KLF8: variants seen among roughly 807,000 people sequenced by gnomAD.
The protein encoded by KLF8 is KLF transcription factor 8.
KLF8 carries 10 observed loss-of-function variants against 18.2 expected under a neutral mutation model. The ratio of observed to expected loss-of-function variants is 0.55; its 90% CI spans 0.34 to 0.93. The LOEUF is 0.93. KLF8 is among the 40% of genes least tolerant of loss of function. The pLI is 0.02. For missense variants in KLF8, 264 were observed against 277.9 expected (o/e 0.95, Z 0.36); for synonymous variants, 109 against 97.3 (o/e 1.12, Z -0.71).
intron 5 of KLF8, among the ~76,000 whole-genome samples, chrX:56,282,894 T>G (rs1436827290): frequency 8.9e-6 from 1 of 112,047 alleles, no homozygotes; most frequent in Non-Finnish European, 1.9e-5. Flanking sequence ...TTCAAAATTT[T>G]TATTATATGA....
At chrX:56,053,074 T>C in the KLF8 span, among the ~76,000 whole-genome samples, 2 of 111,917 alleles carry the variant, frequency 1.8e-5, no homozygotes, top group Admixed American at 9.4e-5. Flanking sequence ...GAAAGGGAAC[T>C]CCCTGACCTC....
chrX:55,991,934 C>T, the KLF8 span, among the ~76,000 whole-genome samples: 1 of 112,103 alleles, frequency 8.9e-6, no homozygotes, highest in Non-Finnish European at 1.9e-5. Flanking sequence ...GTCTTTTGCT[C>T]ATTTGTTAAT....
the KLF8 span, among the ~76,000 whole-genome samples, chrX:56,143,867 T>G: frequency 6.2e-5 from 7 of 112,494 alleles, no homozygotes; most frequent in African/African-American, 9.7e-5. Flanking sequence ...AAATGTTTAT[T>G]GAATGAATAA....
chrX:56,180,091 G>A, the KLF8 span, among the ~76,000 whole-genome samples: 24 of 111,528 alleles, frequency 2.2e-4, no homozygotes, highest in African/African-American at 4.2e-4. Context: ...TGTACATCTC[G>A]TAGAATTCGG....
the KLF8 span, among the ~76,000 whole-genome samples, chrX:56,208,485 A>G: frequency 8.1e-4 from 90 of 110,458 alleles, no homozygotes; most frequent in African/African-American, 2.5e-3. Flanking sequence ...TTCTGCTCTA[A>G]TCCTTATTTT....
chrX:56,155,390 G>C, the KLF8 span, among the ~76,000 whole-genome samples: 3 of 110,978 alleles, frequency 2.7e-5, no homozygotes, highest in Non-Finnish European at 1.9e-5. Context: ...TCTCTCATAG[G>C]TGGGAATTCA....
the KLF8 span, among the ~76,000 whole-genome samples, chrX:55,989,276 G>T: frequency 8.9e-6 from 1 of 111,993 alleles, no homozygotes; most frequent in Non-Finnish European, 1.9e-5. Context: ...TCCCTGTCTT[G>T]TGCCAGTTTT....
the KLF8 span, among the ~76,000 whole-genome samples, chrX:56,056,960 G>C: frequency 9.0e-6 from 1 of 111,510 alleles, no homozygotes; most frequent in South Asian, 3.7e-4. Flanking sequence ...TGAAGAATCT[G>C]TTCGTTTTTG....
At chrX:55,973,570 T>C in the KLF8 span, among the ~76,000 whole-genome samples, 1 of 112,143 alleles carries the variant, frequency 8.9e-6, no homozygotes, top group African/African-American at 3.2e-5. Context: ...AGGACATACA[T>C]GCTATCAACA....
At chrX:56,216,373 T>A in the KLF8 span, among the ~76,000 whole-genome samples, 1 of 110,638 alleles carries the variant, frequency 9.0e-6, no homozygotes, top group South Asian at 3.8e-4. Context: ...TTAATTAATT[T>A]ATTTATTTTA....
the KLF8 span, among the ~76,000 whole-genome samples, chrX:56,025,480 A>T: frequency 1.8e-5 from 2 of 111,839 alleles, no homozygotes; most frequent in African/African-American, 6.5e-5. Context: ...AGCCCAGATG[A>T]CACAAGACCA....
chrX:56,080,244 C>T, the KLF8 span, among the ~76,000 whole-genome samples: 2 of 110,439 alleles, frequency 1.8e-5, no homozygotes, highest in Admixed American at 9.6e-5. Flanking sequence ...TTCCTAGTCT[C>T]GATGGTCTTT....
At chrX:56,188,785 A>T in the KLF8 span, among the ~76,000 whole-genome samples, 2 of 112,424 alleles carry the variant, frequency 1.8e-5, no homozygotes, top group Admixed American at 9.5e-5. Flanking sequence ...TTCCGTATTT[A>T]ACAAATGGTG....
the KLF8 span, among the ~76,000 whole-genome samples, chrX:55,924,866 T>TC: frequency 1.1e-5 from 1 of 88,028 alleles, no homozygotes; most frequent in Non-Finnish European, 2.3e-5. Context: ...TTTTTTTTTT[T>TC]TTTTTTTGTG....
chrX:56,260,188 C>T (rs1037234802), intron 2 of KLF8, among the ~76,000 whole-genome samples: 1 of 110,847 alleles, frequency 9.0e-6, no homozygotes, highest in African/African-American at 3.3e-5. Context: ...TAGGGCCCAC[C>T]CAGATAATCC....
chrX:56,180,830 T>A, the KLF8 span, among the ~76,000 whole-genome samples: 1 of 112,234 alleles, frequency 8.9e-6, no homozygotes, highest in Admixed American at 9.5e-5. Flanking sequence ...TGTGAGATAG[T>A]TTGTTATAGT....
rs148452545 is a variant in KLF8, at chrX:56,241,678, T to C, written c.7+8337T>C. On this transcript the variant is annotated intron_variant, in intron 1 of 5. Coordinates refer to ENST00000468660, the MANE Select transcript of KLF8 (RefSeq NM_007250.5). The stretch of plus-strand genomic sequence containing the variant: ...ATCTGAAAAGGACTAAGTAGTTTAC[T>C]CAAAATGACACTGCTAGACAACAGT... 9.8e-3 allele frequency among the ~76,000 whole-genome samples: 1,101 copies of C among 112,094 alleles called. 15 individuals are homozygous for C. The highest frequency in any genetic ancestry group is 0.033 in the African/African-American group (1,033 of 30,922).
chrX:56,252,063 A>G (rs1465507050), intron 2 of KLF8, among the ~76,000 whole-genome samples: 2 of 110,790 alleles, frequency 1.8e-5, no homozygotes, highest in African/African-American at 6.6e-5. Flanking sequence ...CCCAGGCTGG[A>G]GTACAGTGGT....
the KLF8 span, among the ~76,000 whole-genome samples, chrX:55,979,393 A>G: frequency 9.0e-6 from 1 of 111,583 alleles, no homozygotes; most frequent in Admixed American, 9.5e-5. Flanking sequence ...AAAACATAGT[A>G]TGTATGAAGT....
Sources: gnomAD v4.1 joint callset for allele counts (sites outside exome capture counted in the v4.1 genomes callset) on GRCh38, gnomAD v4.1.1 for gene constraint, MANE v1.5 for transcripts, NCBI Gene and HGNC (gene_info 2026-07-23, HGNC 2026-07-21) for gene names.